Variants in KAT6B observed in about 807,000 individuals in gnomAD.
KAT6B encodes the protein lysine acetyltransferase 6B.
In KAT6B, 10 loss-of-function variants were observed where a neutral mutation model predicts 187.5. The ratio of observed to expected loss-of-function variants is 0.05; its 90% CI spans 0.03 to 0.09. The LOEUF (loss-of-function observed/expected upper bound fraction) is 0.09, where lower values mean the gene tolerates loss of function less well. Ranked by LOEUF, KAT6B falls within the 10% of genes least tolerant of loss-of-function variation. KAT6B has a pLI of 1.00. For missense variants in KAT6B, 1,952 were observed against 2,558.9 expected, an observed-to-expected ratio of 0.76 and a Z score of 5.12; for synonymous variants, 861 against 926.8, an observed-to-expected ratio of 0.93 and a Z score of 1.29.
rs1280436884 is a variant in KAT6B at position 74,976,094 on chromosome 10, A to G, written c.1757A>G (p.His586Arg). The G allele has an allele frequency of 3.1e-6, 5 of 1,614,092 alleles. No homozygotes were observed. Among genetic ancestry groups the G allele is most frequent in the Middle Eastern group, 1.6e-4 (1 of 6,084 alleles). The change falls in exon 8 of 18, where the codon CAC (histidine) becomes CGC (arginine). Residue 586 changes from histidine to arginine, a missense_variant. His to Arg is a conservative substitution (Grantham distance 29). Around this residue, in one of 9 missense-constraint regions of KAT6B, gnomAD observed 417 missense variants for 508.9 expected, o/e 0.82. Coordinates refer to ENST00000287239, the MANE Select transcript of KAT6B (RefSeq NM_012330.4). ...ELSSTAKSKA[H>R]FFGKRDIRSR... is the part of the protein sequence containing the mutation. ...TCTTCCACGGCAAAATCTAAAGCCC[A>G]CTTCTTTGGCAAAAGAGATATTAGA...
At position 74,999,465 on chromosome 10, in the gene KAT6B, G is replaced by A. The variant is rs142626074; in HGVS notation, c.2629+10353G>A. On this transcript the variant is annotated intron_variant, in intron 13 of 17. Transcript: ENST00000287239. ...ATAGGGAAACAGGGCTGAGGGTGGA[G>A]TGCTTGGAGTGTTAACATCTAAGGG... 7.9e-5 allele frequency among the ~76,000 whole-genome samples: 12 copies of A among 152,316 alleles called. No individual in the cohort carries two copies. In the East Asian group the frequency reaches 2.1e-3, roughly 27 times the overall value.
intron 17 of KAT6B, 36 bp downstream of exon 17, chr10:75,025,285 A>G: frequency 6.2e-7 from 1 of 1,607,714 alleles, no homozygotes; most frequent in Non-Finnish European, 8.5e-7. Context: ...TACCCTTGAG[A>G]ATGTCTGTAT....
chr10:74,990,196 CAAAAAAAAAAA>C (rs56300641), intron 13 of KAT6B, among the ~76,000 whole-genome samples: 91 of 39,414 alleles, frequency 2.3e-3, no homozygotes, highest in Non-Finnish European at 3.0e-3. Context: ...GACTCTGTCT[CAAAAAAAAAAA>C]AAAAAAAAAA....
chr10:74,931,129 G>A (rs1848839871), intron 3 of KAT6B, among the ~76,000 whole-genome samples: 1 of 152,152 alleles, frequency 6.6e-6, no homozygotes, highest in Non-Finnish European at 1.5e-5. Flanking sequence ...CTAGTGTTGA[G>A]GATTTTGTGG....
intron 1 of KAT6B, among the ~76,000 whole-genome samples, chr10:74,836,535 T>C (rs1454213343): frequency 6.6e-6 from 1 of 152,248 alleles, no homozygotes; most frequent in Non-Finnish European, 1.5e-5. Context: ...GATTAGTATT[T>C]ATAACCTCAC....
At chr10:74,939,458 T>C (rs1262342351) in intron 3 of KAT6B, among the ~76,000 whole-genome samples, 1 of 152,212 alleles carries the variant, frequency 6.6e-6, no homozygotes, top group Non-Finnish European at 1.5e-5. Context: ...TGGAGTGCAG[T>C]GGCACAATCT....
At chr10:74,938,270 T>C (rs550630535) in intron 3 of KAT6B, among the ~76,000 whole-genome samples, 1 of 152,308 alleles carries the variant, frequency 6.6e-6, no homozygotes, top group Admixed American at 6.5e-5. Context: ...AATCTGCATT[T>C]TAACAGGACG....
rs527510195 is a variant in KAT6B at position 74,846,839 on chromosome 10, T to C, written c.621+3361T>C. 6.7e-4 allele frequency among the ~76,000 whole-genome samples: 102 copies of C among 152,360 alleles called. No homozygotes were observed. In the Middle Eastern group the frequency reaches 0.014, roughly 20 times the overall value. On this transcript the variant is annotated intron_variant, in intron 3 of 17. Coordinates refer to ENST00000287239, the MANE Select transcript of KAT6B (RefSeq NM_012330.4). ...TTGGATATCTTTGTTTTTAAAAATA[T>C]GTACACTACCCTAAGGTATGTTAAG...
At chr10:74,839,834 A>G (rs1841598608) in intron 2 of KAT6B, among the ~76,000 whole-genome samples, 1 of 152,238 alleles carries the variant, frequency 6.6e-6, no homozygotes, top group South Asian at 2.1e-4. Flanking sequence ...AAGTGGTTGC[A>G]CTGTGAAAGC....
At chr10:74,969,973 T>G (rs191373925) in intron 5 of KAT6B, 47 bp from the exon 6 acceptor site, 2 of 1,433,930 alleles carry the variant, frequency 1.4e-6, no homozygotes, top group Non-Finnish European at 2.0e-6. Flanking sequence ...TTTGGCCTTT[T>G]ACAGTTGGTT....
chr10:74,930,267 A>T (rs1366267242), intron 3 of KAT6B, among the ~76,000 whole-genome samples: 2 of 152,126 alleles, frequency 1.3e-5, no homozygotes, highest in African/African-American at 4.8e-5. Flanking sequence ...CTTAATACCT[A>T]TCTAGACCAG....
chr10:75,009,234 C>T (rs1310103415), intron 13 of KAT6B, among the ~76,000 whole-genome samples: 1 of 152,104 alleles, frequency 6.6e-6, no homozygotes, highest in Admixed American at 6.5e-5. Context: ...CTGTTATTTA[C>T]GTAGTTTGTG....
At chr10:74,978,414 C>G (rs1364157864) in intron 9 of KAT6B, among the ~76,000 whole-genome samples, 1 of 152,164 alleles carries the variant, frequency 6.6e-6, no homozygotes, top group Non-Finnish European at 1.5e-5. Context: ...CCACTTTACT[C>G]CAGCCTGGAC....
intron 3 of KAT6B, among the ~76,000 whole-genome samples, chr10:74,912,317 T>G (rs1249079656): frequency 2.6e-5 from 4 of 151,958 alleles, no homozygotes; most frequent in Admixed American, 6.6e-5. Flanking sequence ...TGTATGTATG[T>G]ATGGATAGAC....
chr10:74,869,566 G>A (rs1180293523), intron 3 of KAT6B, among the ~76,000 whole-genome samples: 1 of 152,178 alleles, frequency 6.6e-6, no homozygotes, highest in African/African-American at 2.4e-5. Context: ...GATTACAGGC[G>A]TGAGCCACCA....
At chr10:74,972,006 A>C (rs1382286409) in intron 6 of KAT6B, among the ~76,000 whole-genome samples, 1 of 152,066 alleles carries the variant, frequency 6.6e-6, no homozygotes, top group East Asian at 1.9e-4. Context: ...TCTCTATGCT[A>C]GATGTATAGT....
intron 3 of KAT6B, among the ~76,000 whole-genome samples, chr10:74,848,436 C>T (rs542681098): frequency 8.5e-5 from 13 of 152,184 alleles, no homozygotes; most frequent in African/African-American, 2.6e-4. Context: ...ACCTGGGAGG[C>T]GGAGGTTGCA....
chr10:74,914,806 T>G (rs967157734), intron 3 of KAT6B, among the ~76,000 whole-genome samples: 1 of 152,180 alleles, frequency 6.6e-6, no homozygotes, highest in African/African-American at 2.4e-5. Flanking sequence ...ATCCCAGCTT[T>G]TTGGCTGGGT....
At chr10:74,866,147 T>C (rs1185776683) in intron 3 of KAT6B, among the ~76,000 whole-genome samples, 2 of 151,998 alleles carry the variant, frequency 1.3e-5, no homozygotes, top group Non-Finnish European at 2.9e-5. Flanking sequence ...AAATTACTTA[T>C]TTGGGGGATA....
Sources: allele counts gnomAD v4.1 joint callset (sites outside exome capture counted in the v4.1 genomes callset), GRCh38; gene constraint gnomAD v4.1.1; regional missense constraint gnomAD v4.1.1; transcripts MANE v1.5; gene names NCBI Gene and HGNC (gene_info 2026-07-23, HGNC 2026-07-21).